Variants in KCNN2 observed in about 807,000 individuals in gnomAD.
KCNN2 encodes the protein potassium calcium-activated channel subfamily N member 2.
KCNN2 carries 24 observed loss-of-function variants against 55.5 expected under a neutral mutation model. The ratio of observed to expected loss-of-function variants is 0.43; its 90% CI spans 0.31 to 0.61. The LOEUF (loss-of-function observed/expected upper bound fraction) is 0.61. KCNN2 is among the 20% of genes least tolerant of loss of function. The probability of loss-of-function intolerance (pLI) is 0.08; values close to 1 mark genes in which losing one functional copy is unlikely to be tolerated. For missense variants in KCNN2, 754 were observed against 853.6 expected, an observed-to-expected ratio of 0.88 and a Z score of 1.45; for synonymous variants, 431 against 336.1, an observed-to-expected ratio of 1.28 and a Z score of -3.09.
intron 2 of KCNN2, among the ~76,000 whole-genome samples, chr5:114,366,111 A>G (rs1271038299): frequency 2.6e-5 from 4 of 152,214 alleles, no homozygotes; most frequent in Admixed American, 6.5e-5. Context: ...AAAAAATCAT[A>G]TTTTTATAGA....
chr5:114,262,059 A>T (rs1580670778), intron 2 of KCNN2, among the ~76,000 whole-genome samples: 1 of 152,190 alleles, frequency 6.6e-6, no homozygotes, highest in Non-Finnish European at 1.5e-5. Flanking sequence ...GTAGGGCTTT[A>T]GTGATATATA....
intron 2 of KCNN2, among the ~76,000 whole-genome samples, chr5:114,313,446 G>A (rs149485714): frequency 6.6e-6 from 1 of 152,118 alleles, no homozygotes; most frequent in South Asian, 2.1e-4. Context: ...GCTCAATCCT[G>A]TATTACATTA....
intron 2 of KCNN2, among the ~76,000 whole-genome samples, chr5:114,237,248 G>A (rs998735976): frequency 2.2e-5 from 3 of 135,844 alleles, no homozygotes; most frequent in Non-Finnish European, 4.7e-5. Context: ...GATGTGGGTT[G>A]TCAAAATTCA....
chr5:114,341,521 C>T (rs1444569828), intron 2 of KCNN2, among the ~76,000 whole-genome samples: 1 of 152,098 alleles, frequency 6.6e-6, no homozygotes, highest in Non-Finnish European at 1.5e-5. Flanking sequence ...CAGATTATCA[C>T]TAACTCCTGT....
chr5:114,313,812 C>A (rs185087548), intron 2 of KCNN2, among the ~76,000 whole-genome samples: 2 of 152,212 alleles, frequency 1.3e-5, no homozygotes, highest in East Asian at 3.9e-4. Context: ...TGGAATACTT[C>A]CTAAAGTTTA....
At chr5:114,082,208 C>T (rs1750841470) in intron 1 of KCNN2, among the ~76,000 whole-genome samples, 1 of 151,888 alleles carries the variant, frequency 6.6e-6, no homozygotes, top group Non-Finnish European at 1.5e-5. Flanking sequence ...ACCTGTAGTC[C>T]TAGCTACTCA....
At chr5:114,349,405 T>C (rs1757168928) in intron 2 of KCNN2, among the ~76,000 whole-genome samples, 1 of 152,114 alleles carries the variant, frequency 6.6e-6, no homozygotes, top group Non-Finnish European at 1.5e-5. Flanking sequence ...TGGATCAAGG[T>C]ACACAAACTT....
At chr5:114,102,296 T>C (rs1459969441) in intron 1 of KCNN2, among the ~76,000 whole-genome samples, 3 of 151,974 alleles carry the variant, frequency 2.0e-5, no homozygotes, top group Admixed American at 6.6e-5. Context: ...TTTTTTTTTC[T>C]TGTGAATTTG....
chr5:114,328,996 C>T (rs956812926), intron 2 of KCNN2, among the ~76,000 whole-genome samples: 1 of 152,196 alleles, frequency 6.6e-6, no homozygotes, highest in East Asian at 1.9e-4. Context: ...GTCCTCCTTA[C>T]TTATTGCCCT....
intron 1 of KCNN2, among the ~76,000 whole-genome samples, chr5:114,079,867 G>C (rs1198846821): frequency 6.6e-6 from 1 of 151,162 alleles, no homozygotes; most frequent in East Asian, 1.9e-4. Context: ...GAGAGAGAGA[G>C]ACAGAGAGAC....
At chr5:114,304,680 A>G (rs1756233162) in intron 2 of KCNN2, among the ~76,000 whole-genome samples, 1 of 152,234 alleles carries the variant, frequency 6.6e-6, no homozygotes, top group African/African-American at 2.4e-5. Flanking sequence ...TAGCCCTAAT[A>G]GTAGAACTCT....
In KCNN2 at chr5:114,404,833, A is replaced by G. The variant is rs374943613; in HGVS notation, c.1614A>G (p.Ala538=). 5.0e-6 allele frequency: 8 copies of G among 1,612,788 alleles called. No individual in the cohort carries two copies. The highest frequency in any genetic ancestry group is 4.0e-5 in the African/African-American group (3 of 74,846). ...VFSISLWIIA[A]WTVRACERYH... is the part of the protein sequence containing the mutation. ...GTATCTCATTATGGATAATTGCCGC[A>G]TGGACTGTCCGAGCTTGTGAAAGGT... Residue 538 remains alanine (A), a synonymous_variant, in exon 3 of 8, where the codon GCA becomes GCG. Transcript: ENST00000673685.
At chr5:114,155,587 G>A (rs901491081) in intron 1 of KCNN2, among the ~76,000 whole-genome samples, 1 of 152,122 alleles carries the variant, frequency 6.6e-6, no homozygotes, top group African/African-American at 2.4e-5. Context: ...ATTCTGACTG[G>A]TGTGAGACAG....
chr5:114,350,485 T>C (rs1175298016), intron 2 of KCNN2, among the ~76,000 whole-genome samples: 8 of 151,932 alleles, frequency 5.3e-5, no homozygotes, highest in Admixed American at 5.2e-4. Flanking sequence ...TTGTCTATGT[T>C]TTTCCTTTGT....
At chr5:114,402,491 G>T (rs761608373) in intron 2 of KCNN2, among the ~76,000 whole-genome samples, 1 of 152,182 alleles carries the variant, frequency 6.6e-6, no homozygotes, top group African/African-American at 2.4e-5. Flanking sequence ...ACAGGAACTA[G>T]ACTATAGGCT....
chr5:114,206,821 T>C (rs1476389983), intron 1 of KCNN2, among the ~76,000 whole-genome samples: 2 of 152,196 alleles, frequency 1.3e-5, no homozygotes, highest in South Asian at 2.1e-4. Context: ...CTCAAGTATT[T>C]ACAAAGGTCT....
chr5:114,274,820 C>A (rs761158352), intron 2 of KCNN2, among the ~76,000 whole-genome samples: 1 of 152,058 alleles, frequency 6.6e-6, no homozygotes, highest in East Asian at 1.9e-4. Flanking sequence ...ATTTGAATAC[C>A]CTTTATTGCT....
At chr5:114,342,623 T>C (rs1757036113) in intron 2 of KCNN2, among the ~76,000 whole-genome samples, 1 of 152,200 alleles carries the variant, frequency 6.6e-6, no homozygotes, top group Non-Finnish European at 1.5e-5. Flanking sequence ...ACCAACATTC[T>C]AAGATAAAGG....
chr5:114,124,747 C>T (rs1034093450), intron 1 of KCNN2, among the ~76,000 whole-genome samples: 1 of 152,158 alleles, frequency 6.6e-6, no homozygotes, highest in Non-Finnish European at 1.5e-5. Flanking sequence ...TTTGCCTTCT[C>T]ATTTCTTTCT....
Sources: allele counts gnomAD v4.1 joint callset (sites outside exome capture counted in the v4.1 genomes callset), GRCh38; gene constraint gnomAD v4.1.1; transcripts MANE v1.5; gene names NCBI Gene and HGNC (gene_info 2026-07-23, HGNC 2026-07-21).